Variants in PDE10A observed in about 807,000 individuals in gnomAD.
PDE10A encodes phosphodiesterase 10A.
PDE10A carries 39 observed loss-of-function variants against 97.7 expected under a neutral mutation model. The ratio of observed to expected loss-of-function variants is 0.40; its 90% CI spans 0.31 to 0.52. The LOEUF (loss-of-function observed/expected upper bound fraction) is 0.52, where lower values mean the gene tolerates loss of function less well. PDE10A is among the 20% of genes least tolerant of loss of function. The pLI is 0.56. For missense variants in PDE10A, 731 were observed against 1,047.8 expected (o/e 0.70, Z 4.17); for synonymous variants, 371 against 376.8 (o/e 0.98, Z 0.18).
chr6:165,908,317 A>G (rs921787344), intron 1 of PDE10A, among the ~76,000 whole-genome samples: 1 of 152,176 alleles, frequency 6.6e-6, no homozygotes, highest in African/African-American at 2.4e-5. Flanking sequence ...AGAGAACGAG[A>G]AAGTGCCTCC....
intron 1 of PDE10A, among the ~76,000 whole-genome samples, chr6:165,743,440 T>C (rs1282811021): frequency 1.3e-5 from 2 of 152,210 alleles, no homozygotes; most frequent in Admixed American, 1.3e-4. Context: ...AAAACTTTGT[T>C]GAAAGCAGTT....
At chr6:165,646,769 G>A (rs542170104) in intron 1 of PDE10A, among the ~76,000 whole-genome samples, 1 of 149,768 alleles carries the variant, frequency 6.7e-6, no homozygotes, top group South Asian at 2.1e-4. Flanking sequence ...CACAATGGAC[G>A]CCTGCCTGGA....
intron 1 of PDE10A, among the ~76,000 whole-genome samples, chr6:165,791,337 A>T (rs570012481): frequency 6.6e-6 from 1 of 152,146 alleles, no homozygotes; most frequent in South Asian, 2.1e-4. Flanking sequence ...AGGTTCACCT[A>T]TGCTGCCACA....
At chr6:165,569,257 T>C (rs1419662841) in intron 1 of PDE10A, among the ~76,000 whole-genome samples, 4 of 152,172 alleles carry the variant, frequency 2.6e-5, no homozygotes, top group Non-Finnish European at 5.9e-5. Context: ...GGCCTTTTTT[T>C]CTCCTTACTC....
intron 1 of PDE10A, among the ~76,000 whole-genome samples, chr6:165,974,104 T>C (rs1015001888): frequency 2.6e-5 from 4 of 152,228 alleles, no homozygotes; most frequent in African/African-American, 7.2e-5. Context: ...ATATCACTAG[T>C]AGCTAGAGGA....
intron 18 of PDE10A, among the ~76,000 whole-genome samples, chr6:165,361,261 T>C (rs1229918559): frequency 1.3e-5 from 2 of 152,178 alleles, no homozygotes; most frequent in African/African-American, 2.4e-5. Flanking sequence ...ATATTCTTTT[T>C]GAGTACAGAT....
intron 1 of PDE10A, among the ~76,000 whole-genome samples, chr6:165,653,861 C>T (rs1454412320): frequency 6.6e-6 from 1 of 152,142 alleles, no homozygotes; most frequent in East Asian, 1.9e-4. Context: ...TCCACCGTGC[C>T]AGCTTTCTCC....
At position 165,443,545 on chromosome 6, in the gene PDE10A, C is replaced by T. The variant is rs547034980; in HGVS notation, c.1194+5383G>A. Among the ~76,000 whole-genome samples the T allele has an allele frequency of 1.1e-4, 16 of 152,326 alleles. No individual in the cohort carries two copies. The South Asian group carries it at 2.3e-3, about 22-fold the overall frequency. On this transcript the variant is annotated intron_variant, in intron 5 of 21. Coordinates refer to ENST00000539869, the MANE Select transcript of PDE10A (RefSeq NM_001385079.1). ...TTGGTGGATCTACCATTCTAAGGTCCGCAGGACAGTGGCCCTCTTCTCACA... is the reference window on the plus strand; with the variant it reads ...TTGGTGGATCTACCATTCTAAGGTCTGCAGGACAGTGGCCCTCTTCTCACA...
intron 1 of PDE10A, among the ~76,000 whole-genome samples, chr6:165,892,780 G>C (rs948773004): frequency 2.0e-5 from 3 of 152,206 alleles, no homozygotes; most frequent in African/African-American, 7.2e-5. Context: ...GAATAGTCGG[G>C]AGAATTACAC....
chr6:165,345,691 T>C (rs1782261822), intron 18 of PDE10A, among the ~76,000 whole-genome samples: 1 of 152,206 alleles, frequency 6.6e-6, no homozygotes, highest in African/African-American at 2.4e-5. Flanking sequence ...CGATTCTTAA[T>C]CACATAATTT....
Position 165,610,282 on chromosome 6 carries a change from G to A in PDE10A, c.865+51665C>T, listed in dbSNP as rs569398489. Among the ~76,000 whole-genome samples the A allele has an allele frequency of 2.8e-4, 43 of 152,286 alleles. 1 individual carries two copies. The highest frequency in any genetic ancestry group is 1.0e-3 in the South Asian group (5 of 4,822). On this transcript the variant is annotated intron_variant, in intron 1 of 21. Coordinates refer to ENST00000539869, the MANE Select transcript of PDE10A (RefSeq NM_001385079.1). ...GAAACGGCCAGGCCCGGTGGCTCAC[G>A]CCTGTAATCCCAGCACTTTGGGAGG...
chr6:165,574,391 C>T (rs561658775), intron 1 of PDE10A, among the ~76,000 whole-genome samples: 7 of 152,252 alleles, frequency 4.6e-5, no homozygotes, highest in African/African-American at 1.2e-4. Flanking sequence ...CTCTAACCAA[C>T]GCAGGGGACA....
At chr6:165,968,818 A>G (rs970844297) in intron 1 of PDE10A, among the ~76,000 whole-genome samples, 1 of 152,250 alleles carries the variant, frequency 6.6e-6, no homozygotes, top group Non-Finnish European at 1.5e-5. Flanking sequence ...GTCCTGAGGC[A>G]AAGACAGAGA....
intron 1 of PDE10A, among the ~76,000 whole-genome samples, chr6:165,693,528 CAAA>C (rs55830575): frequency 0.12 from 6,565 of 56,592 alleles, 173 homozygotes; most frequent in East Asian, 0.34. Flanking sequence ...GAGGCTCCAC[CAAA>C]AAAAAAAAAA....
chr6:165,394,830 T>C (rs571225453), intron 15 of PDE10A, among the ~76,000 whole-genome samples: 1 of 152,262 alleles, frequency 6.6e-6, no homozygotes, highest in East Asian at 1.9e-4. Flanking sequence ...GATGATGAGA[T>C]TTTTTTCATA....
intron 1 of PDE10A, among the ~76,000 whole-genome samples, chr6:165,794,478 A>C (rs1280721550): frequency 6.7e-6 from 1 of 150,340 alleles, no homozygotes; most frequent in African/African-American, 2.5e-5. Context: ...GCACGCACAC[A>C]CTCATTACAC....
intron 3 of PDE10A, among the ~76,000 whole-genome samples, chr6:165,463,986 T>A (rs1778484846): frequency 6.6e-6 from 1 of 152,244 alleles, no homozygotes; most frequent in African/African-American, 2.4e-5. Context: ...GTTAATTTAA[T>A]ATCTATAGAA....
intron 1 of PDE10A, among the ~76,000 whole-genome samples, chr6:165,900,240 G>A (rs554252081): frequency 6.6e-6 from 1 of 152,330 alleles, no homozygotes; most frequent in African/African-American, 2.4e-5. Flanking sequence ...GGGAGGCCGA[G>A]GCAGGCAGAT....
At position 165,542,612 on chromosome 6, in the gene PDE10A, C is replaced by CTTT. The variant is rs545149187; in HGVS notation, c.994+825_994+827dup. ...TTTAGGTCAAAAAGATGTCCTTGTT[C>CTTT]TTTTTTTTTTTTTTTTTTTTTTTTT... On this transcript the variant is annotated intron_variant, in intron 2 of 21. Coordinates refer to ENST00000539869, the MANE Select transcript of PDE10A (RefSeq NM_001385079.1). Among the ~76,000 whole-genome samples the CTTT allele has an allele frequency of 9.8e-4, 75 of 76,450 alleles. 5 individuals are homozygous for CTTT. Among genetic ancestry groups the CTTT allele is most frequent in the African/African-American group, 2.2e-3 (47 of 21,802 alleles). 50.2% of individuals were successfully genotyped at this position (76,450 alleles called of 152,430 possible). A position where few individuals can be genotyped will look rare whatever the true frequency, so the allele number is the denominator to read the frequency against.
Sources: gnomAD v4.1 joint callset for allele counts (sites outside exome capture counted in the v4.1 genomes callset) on GRCh38, gnomAD v4.1.1 for gene constraint, MANE v1.5 for transcripts, NCBI Gene and HGNC (gene_info 2026-07-23, HGNC 2026-07-21) for gene names.